The following ZNF236 variants were observed in gnomAD, a reference collection of about 807,000 sequenced individuals.
ZNF236 encodes the protein zinc finger protein 236, also known as regulated by glucose.
Under a neutral mutation model 191.2 loss-of-function variants are expected in ZNF236, and 50 were observed. The ratio of observed to expected loss-of-function variants is 0.26; its 90% CI spans 0.21 to 0.33. The LOEUF is 0.33. Among genes scored for constraint, ZNF236 ranks in the 10% least tolerant of loss-of-function variants. The pLI, the probability that ZNF236 is intolerant of heterozygous loss-of-function variation, is 1.00. For synonymous variants in ZNF236, 907 were observed against 928.8 expected, an observed-to-expected ratio of 0.98 and a Z score of 0.43; for missense variants, 1,754 against 2,374.5, an observed-to-expected ratio of 0.74 and a Z score of 5.43.
intron 25 of ZNF236, among the ~76,000 whole-genome samples, chr18:76,929,467 C>G (rs1471757890): frequency 6.6e-6 from 1 of 152,156 alleles, no homozygotes; most frequent in African/African-American, 2.4e-5. Flanking sequence ...TGTGCTAGGT[C>G]CTATCAAAAC....
At chr18:76,868,573 A>G in intron 3 of ZNF236, 112 bp from the exon 4 acceptor site, 1 of 837,244 alleles carries the variant, frequency 1.2e-6, no homozygotes, top group Non-Finnish European at 1.8e-6. Flanking sequence ...TCAAGATTAG[A>G]GAGACCAAGT....
Position 76,849,684 on chromosome 18 carries a change from G to T in ZNF236, c.198+16G>T. 6.5e-7 allele frequency: 1 copy of T among 1,526,976 alleles called. No homozygotes were observed. The highest frequency in any genetic ancestry group is 8.8e-7 in the Non-Finnish European group (1 of 1,139,534). The allele number at this position is 1,526,976 out of a possible 1,614,324, so 94.6% of individuals were successfully genotyped here. ...AAATGACAAGGTATGTATTTTCAAA[G>T]GTGATGTCAGGAATGTGAGCGTTGA... On this transcript the variant is annotated intron_variant, in intron 2 of 30. Transcript: ENST00000320610.
Position 76,947,546 on chromosome 18 carries a change from C to T in ZNF236, c.4808C>T (p.Thr1603Met), listed in dbSNP as rs1968291864. The change falls in exon 27 of 31, where the codon ACG (threonine) becomes ATG (methionine). Residue 1603 changes from threonine (T) to methionine (M), a missense_variant. Coordinates refer to ENST00000320610, the MANE Select transcript of ZNF236 (RefSeq NM_001306089.2). ...SQGQQFPALLTDPSLSGQGGA... is the reference protein window; with the variant it reads ...SQGQQFPALLMDPSLSGQGGA... The stretch of plus-strand genomic sequence containing the variant: ...GGTCAGCAGTTCCCAGCGCTCCTCA[C>T]GGATCCCTCTCTCTCGGGCCAGGGT... The T allele has an allele frequency of 3.1e-6, 5 of 1,613,862 alleles. No homozygotes were observed. The highest frequency in any genetic ancestry group is 2.2e-5 in the South Asian group (2 of 91,060).
chr18:76,930,668 C>G (rs769461258), intron 25 of ZNF236, among the ~76,000 whole-genome samples: 1 of 152,118 alleles, frequency 6.6e-6, no homozygotes, highest in African/African-American at 2.4e-5. Context: ...CTCGGCAAGC[C>G]TGCCCAGTGG....
intron 27 of ZNF236, among the ~76,000 whole-genome samples, chr18:76,949,131 G>C (rs1188626342): frequency 1.3e-5 from 2 of 152,186 alleles, no homozygotes; most frequent in Admixed American, 1.3e-4. Context: ...TTCTCATGAT[G>C]CTTTTGTAGT....
chr18:76,853,292 T>G lies in ZNF236; in HGVS notation c.363+1353T>G, dbSNP rs560506136. 4.2e-3 allele frequency among the ~76,000 whole-genome samples: 635 copies of G among 152,200 alleles called. 4 individuals are homozygous for G. The highest frequency in any genetic ancestry group is 0.015 in the African/African-American group (611 of 41,520). On this transcript the variant is annotated intron_variant, in intron 3 of 30. Coordinates refer to ENST00000320610, the MANE Select transcript of ZNF236 (RefSeq NM_001306089.2). Reference sequence around the variant, plus strand: ...TAGGGTTTCACCATGTTGGCCAAGCTGGTCTTGAACTCCTGACCTCAAGTG... The same window carrying G: ...TAGGGTTTCACCATGTTGGCCAAGCGGGTCTTGAACTCCTGACCTCAAGTG...
chr18:76,843,775 CAAAAAAAAAAAAAAAAAAAAAAAAA>C (rs780026489), intron 1 of ZNF236, among the ~76,000 whole-genome samples: 1 of 8,260 alleles, frequency 1.2e-4, no homozygotes, highest in Non-Finnish European at 1.9e-4. Context: ...GACTCCGTCT[CAAAAAAAAAAAAAAAAAAAAAAAAA>C]AAAAAGTAAA....
intron 9 of ZNF236, among the ~76,000 whole-genome samples, chr18:76,889,671 A>G (rs1450154143): frequency 6.6e-6 from 1 of 152,216 alleles, no homozygotes; most frequent in African/African-American, 2.4e-5. Flanking sequence ...GTAGCTGACC[A>G]ATAATAAGTG....
intron 28 of ZNF236, among the ~76,000 whole-genome samples, 191 bp from the exon 29 acceptor site, chr18:76,959,496 C>T (rs992436569): frequency 2.0e-5 from 3 of 152,158 alleles, no homozygotes; most frequent in East Asian, 1.9e-4. Flanking sequence ...GGAGTCTCCC[C>T]GAGAAGCCCC....
intron 3 of ZNF236, among the ~76,000 whole-genome samples, chr18:76,859,892 G>A (rs1259916953): frequency 6.6e-6 from 1 of 152,220 alleles, no homozygotes; most frequent in Admixed American, 6.5e-5. Context: ...CTAGAGATCT[G>A]CATGGGGTGC....
intron 10 of ZNF236, 120 bp from the exon 11 acceptor site, chr18:76,898,899 C>T (rs2122719981): frequency 4.9e-6 from 4 of 819,814 alleles, no homozygotes; most frequent in Non-Finnish European, 7.7e-6. Context: ...AAATTATAAG[C>T]ATGGCCTAAT....
At chr18:76,966,257 C>T (rs1039385551) in intron 30 of ZNF236, among the ~76,000 whole-genome samples, 1 of 152,140 alleles carries the variant, frequency 6.6e-6, no homozygotes, top group African/African-American at 2.4e-5. Flanking sequence ...CCGCCATGAT[C>T]TCTGGAAGCC....
chr18:76,833,981 A>G (rs1197017678), intron 1 of ZNF236, among the ~76,000 whole-genome samples: 1 of 152,156 alleles, frequency 6.6e-6, no homozygotes, highest in East Asian at 1.9e-4. Context: ...ATGAGCCACC[A>G]TGACTTGGCC....
Position 76,864,281 on chromosome 18 carries a change from C to G in ZNF236, c.364-4404C>G, listed in dbSNP as rs556026784. 9.9e-5 allele frequency among the ~76,000 whole-genome samples: 15 copies of G among 151,346 alleles called. No individual in the cohort carries two copies. The East Asian group carries it at 1.6e-3, about 16-fold the overall frequency. ...GTGGCACTGTGTCGGCTCACTGCAA[C>G]CTCCGTCTCCTGGATTCAAGCAATT... On this transcript the variant is annotated intron_variant, in intron 3 of 30. Coordinates refer to ENST00000320610, the MANE Select transcript of ZNF236 (RefSeq NM_001306089.2).
At chr18:76,824,018 G>A in intron 1 of ZNF236, 2 of 321,132 alleles carry the variant, frequency 6.2e-6, no homozygotes, top group Non-Finnish European at 1.2e-5. Flanking sequence ...GGAGTCGGTG[G>A]GTTATACCTT....
chr18:76,916,113 T>C (rs1414505406), intron 19 of ZNF236, among the ~76,000 whole-genome samples: 3 of 152,248 alleles, frequency 2.0e-5, no homozygotes, highest in Non-Finnish European at 1.5e-5. Flanking sequence ...TCTCACACTG[T>C]GTTCTTCCTT....
At chr18:76,949,901 C>G (rs1968361160) in intron 27 of ZNF236, among the ~76,000 whole-genome samples, 1 of 152,042 alleles carries the variant, frequency 6.6e-6, no homozygotes, top group African/African-American at 2.4e-5. Flanking sequence ...CAAGTGATCG[C>G]CCACCTCAGC....
At chr18:76,856,365 T>C (rs1009933102) in intron 3 of ZNF236, among the ~76,000 whole-genome samples, 3 of 152,148 alleles carry the variant, frequency 2.0e-5, no homozygotes, top group African/African-American at 7.2e-5. Context: ...GTATTTTTAG[T>C]AGAGTTGGGG....
intron 21 of ZNF236, among the ~76,000 whole-genome samples, chr18:76,924,968 A>G (rs1215198657): frequency 6.6e-6 from 1 of 152,258 alleles, no homozygotes; most frequent in African/African-American, 2.4e-5. Flanking sequence ...AAGGCTTGTG[A>G]AAATGCTAAA....
Sources: gnomAD v4.1 joint callset for allele counts (sites outside exome capture counted in the v4.1 genomes callset) on GRCh38, gnomAD v4.1.1 for gene constraint, MANE v1.5 for transcripts, NCBI Gene and HGNC (gene_info 2026-07-23, HGNC 2026-07-21) for gene names.